The following AOPEP variants were observed in gnomAD, a reference collection of about 807,000 sequenced individuals.
AOPEP encodes the protein aminopeptidase O.
In AOPEP, 77 loss-of-function variants were observed where a neutral mutation model predicts 98.1. That is an observed-to-expected ratio of 0.78 (90% CI 0.65 to 0.95). The LOEUF is 0.95. Ranked by LOEUF, AOPEP falls within the 40% of genes least tolerant of loss-of-function variation. AOPEP has a pLI of 0.00. For missense variants in AOPEP, 1,024 were observed against 1,024.7 expected (o/e 1.00, Z 0.01); for synonymous variants, 346 against 365.3 (o/e 0.95, Z 0.60).
At chr9:94,841,167 C>A (rs1488337385) in intron 5 of AOPEP, among the ~76,000 whole-genome samples, 1 of 150,280 alleles carries the variant, frequency 6.7e-6, no homozygotes, top group East Asian at 1.9e-4. Context: ...GTGCTCCACA[C>A]AATTTTTTTT....
At chr9:94,833,476 A>C (rs1440768372) in intron 5 of AOPEP, among the ~76,000 whole-genome samples, 4 of 152,008 alleles carry the variant, frequency 2.6e-5, no homozygotes, top group African/African-American at 9.7e-5. Flanking sequence ...ACCTCAGGTG[A>C]TGCACCCGCC....
chr9:94,742,508 C>A (rs1833379086), intron 1 of AOPEP, among the ~76,000 whole-genome samples: 1 of 151,740 alleles, frequency 6.6e-6, no homozygotes, highest in Admixed American at 6.6e-5. Flanking sequence ...ATCCTTGGCT[C>A]ACTGCAACCT....
intron 5 of AOPEP, among the ~76,000 whole-genome samples, chr9:94,899,129 C>G (rs999513180): frequency 6.7e-6 from 1 of 149,880 alleles, no homozygotes; most frequent in Non-Finnish European, 1.5e-5. Context: ...GAGAAAAAGT[C>G]CAAGTGGAGG....
intron 13 of AOPEP, among the ~76,000 whole-genome samples, chr9:95,006,653 C>A (rs2062045600): frequency 6.6e-6 from 1 of 152,024 alleles, no homozygotes; most frequent in African/African-American, 2.4e-5. Flanking sequence ...AAGGGGGACC[C>A]CACCCCTTTT....
intron 11 of AOPEP, 102 bp from the exon 12 acceptor site, chr9:95,005,056 C>T (rs1441034654): frequency 1.5e-5 from 7 of 460,600 alleles, no homozygotes; most frequent in Non-Finnish European, 2.0e-5. Context: ...CCTCCCCGGC[C>T]GCGGGCGAGG....
intron 9 of AOPEP, 24 bp downstream of exon 9, chr9:94,956,039 C>A (rs2058430313): frequency 3.7e-6 from 5 of 1,360,368 alleles, no homozygotes; most frequent in African/African-American, 2.9e-5. Context: ...CCTCATGAGT[C>A]CATGATGTAT....
At chr9:94,933,496 C>T in intron 7 of AOPEP, 1 of 985,368 alleles carries the variant, frequency 1.0e-6, no homozygotes, top group Non-Finnish European at 1.2e-6. Context: ...GTCTATGGAA[C>T]TCTTAATCTT....
chr9:95,069,859 A>G (rs889503789), intron 14 of AOPEP, among the ~76,000 whole-genome samples: 2 of 152,250 alleles, frequency 1.3e-5, no homozygotes, highest in African/African-American at 4.8e-5. Context: ...AATTGACTCC[A>G]GCAAGGGTGG....
chr9:94,793,132 G>A (rs532659240), intron 4 of AOPEP, among the ~76,000 whole-genome samples: 2 of 152,292 alleles, frequency 1.3e-5, no homozygotes, highest in East Asian at 1.9e-4. Context: ...TTGGGAGGCC[G>A]AGGCGGGTGG....
chr9:94,950,811 C>T (rs905941188), intron 7 of AOPEP, among the ~76,000 whole-genome samples: 3 of 152,170 alleles, frequency 2.0e-5, no homozygotes, highest in African/African-American at 4.8e-5. Flanking sequence ...CTGGAGGGCC[C>T]GCCTGGGTGG....
chr9:95,122,712 C>T, the AOPEP span, among the ~76,000 whole-genome samples: 4 of 152,296 alleles, frequency 2.6e-5, no homozygotes, highest in South Asian at 4.1e-4. Context: ...AAAAGAGGCG[C>T]GAGCTAACCC....
intron 5 of AOPEP, among the ~76,000 whole-genome samples, chr9:94,866,187 A>T (rs190433771): frequency 1.7e-4 from 26 of 152,332 alleles, no homozygotes; most frequent in African/African-American, 5.5e-4. Flanking sequence ...CAAGGGGGAG[A>T]TGGACATGCG....
intron 5 of AOPEP, among the ~76,000 whole-genome samples, chr9:94,823,521 A>G (rs369878074): frequency 6.6e-6 from 1 of 152,152 alleles, no homozygotes; most frequent in East Asian, 1.9e-4. Flanking sequence ...CACCTCCTGT[A>G]GCTTGATTCT....
intron 13 of AOPEP, among the ~76,000 whole-genome samples, chr9:95,028,090 G>C (rs2063988203): frequency 6.6e-6 from 1 of 152,222 alleles, no homozygotes; most frequent in Admixed American, 6.5e-5. Context: ...AAGAGGAAAA[G>C]ATGAGAGGCA....
In AOPEP at chr9:94,939,829, A is replaced by T. The variant is rs978281301; in HGVS notation, c.1661+11298A>T. Among the ~76,000 whole-genome samples, 7 of 152,318 alleles carry T rather than the reference A, an allele frequency of 4.6e-5. No individual in the cohort carries two copies. The South Asian group carries it at 1.5e-3, about 32-fold the overall frequency. On this transcript the variant is annotated intron_variant, in intron 7 of 16. Coordinates refer to ENST00000375315, the MANE Select transcript of AOPEP (RefSeq NM_001193329.3). ...TAGTCAGCCTTGTGGAACTGAGGAA[A>T]CAGAAAGCTGGTCCTTTGTATCTGG...
At chr9:94,933,314 C>T (rs1404130082) in intron 7 of AOPEP, 1 of 985,402 alleles carries the variant, frequency 1.0e-6, no homozygotes, top group Admixed American at 6.1e-5. Flanking sequence ...CACACTCTGA[C>T]AGGCCCCAGG....
At chr9:95,040,672 A>G (rs1407958277) in intron 13 of AOPEP, among the ~76,000 whole-genome samples, 1 of 152,206 alleles carries the variant, frequency 6.6e-6, no homozygotes, top group African/African-American at 2.4e-5. Context: ...GCTGATGGGC[A>G]TAGGCATTCC....
chr9:94,986,298 A>T (rs1034591427), intron 11 of AOPEP, among the ~76,000 whole-genome samples: 12 of 152,162 alleles, frequency 7.9e-5, no homozygotes, highest in Admixed American at 7.9e-4. Context: ...CACCAATATG[A>T]CCTAATTTTA....
intron 3 of AOPEP, among the ~76,000 whole-genome samples, chr9:94,792,460 A>G (rs1316585183): frequency 6.6e-6 from 1 of 152,154 alleles, no homozygotes; most frequent in East Asian, 1.9e-4. Context: ...CTGTAGGAGC[A>G]TACAGCCTGT....
Sources: allele counts gnomAD v4.1 joint callset (sites outside exome capture counted in the v4.1 genomes callset), GRCh38; gene constraint gnomAD v4.1.1; transcripts MANE v1.5; gene names NCBI Gene and HGNC (gene_info 2026-07-23, HGNC 2026-07-21).